The following BMAL2 variants were observed in gnomAD, a reference collection of about 807,000 sequenced individuals.
BMAL2 encodes basic helix-loop-helix ARNT-like protein 2.
the BMAL2 span, among the ~76,000 whole-genome samples, chr12:27,411,635 T>C: frequency 6.6e-6 from 1 of 152,128 alleles, no homozygotes; most frequent in Admixed American, 6.5e-5. Context: ...GCCATTTGTA[T>C]ATTTTCTTTG....
chr12:27,386,120 T>C, the BMAL2 span, among the ~76,000 whole-genome samples: 1 of 152,100 alleles, frequency 6.6e-6, no homozygotes, highest in Admixed American at 6.5e-5. Context: ...AATAGAAGGA[T>C]TCTTCATACA....
the BMAL2 span, chr12:27,376,380 G>C: frequency 6.2e-7 from 1 of 1,613,828 alleles, no homozygotes; most frequent in South Asian, 1.1e-5. Context: ...TAAAATGAAG[G>C]CCTTCAGGTA....
chr12:27,357,913 A>G, the BMAL2 span, among the ~76,000 whole-genome samples: 1 of 152,194 alleles, frequency 6.6e-6, no homozygotes, highest in Admixed American at 6.5e-5. Context: ...AAAATTCTAG[A>G]AGATAACATC....
the BMAL2 span, chr12:27,389,714 G>A: frequency 9.6e-4 from 173 of 180,698 alleles, 2 homozygotes; most frequent in South Asian, 0.015. Context: ...GGAAGTATAA[G>A]TATTTTTTTC....
the BMAL2 span, chr12:27,380,194 G>T: frequency 6.4e-7 from 1 of 1,570,856 alleles, no homozygotes. Flanking sequence ...ACACGGGGGT[G>T]ACTGGGGGTC....
At chr12:27,344,996 ACTCT>A in the BMAL2 span, among the ~76,000 whole-genome samples, 1 of 151,770 alleles carries the variant, frequency 6.6e-6, no homozygotes, top group Non-Finnish European at 1.5e-5. Flanking sequence ...CATTTTCATC[ACTCT>A]CTTGGTCATT....
the BMAL2 span, chr12:27,368,540 C>T: frequency 8.6e-7 from 1 of 1,156,234 alleles, no homozygotes; most frequent in Non-Finnish European, 1.2e-6. Flanking sequence ...AGTACTTATC[C>T]ACCCATCTGC....
chr12:27,354,609 T>G, the BMAL2 span, among the ~76,000 whole-genome samples: 2 of 152,232 alleles, frequency 1.3e-5, no homozygotes, highest in Admixed American at 6.5e-5. Flanking sequence ...GTCAACACAT[T>G]GTTTTGTGCA....
chr12:27,339,313 A>T, the BMAL2 span, among the ~76,000 whole-genome samples: 8 of 152,202 alleles, frequency 5.3e-5, no homozygotes, highest in Non-Finnish European at 1.0e-4. Context: ...TGGCTACATA[A>T]TATTCCATGG....
At chr12:27,383,227 G>A in the BMAL2 span, among the ~76,000 whole-genome samples, 1 of 152,194 alleles carries the variant, frequency 6.6e-6, no homozygotes, top group African/African-American at 2.4e-5. Flanking sequence ...TGTGAGATAG[G>A]GATGCATTTG....
chr12:27,365,979 C>G, the BMAL2 span, among the ~76,000 whole-genome samples: 2 of 151,708 alleles, frequency 1.3e-5, no homozygotes, highest in African/African-American at 4.8e-5. Context: ...AAATTTCATG[C>G]TAAGTAATGC....
At chr12:27,390,412 T>G in the BMAL2 span, 2 of 666,574 alleles carry the variant, frequency 3.0e-6, no homozygotes, top group Non-Finnish European at 4.9e-6. Context: ...CATCACATCT[T>G]TCGAATTTAT....
the BMAL2 span, among the ~76,000 whole-genome samples, chr12:27,378,462 T>C: frequency 6.6e-6 from 1 of 152,232 alleles, no homozygotes; most frequent in Non-Finnish European, 1.5e-5. Context: ...AAGGACTTTG[T>C]AAGCCTGGTA....
chr12:27,374,467 A>C, the BMAL2 span, among the ~76,000 whole-genome samples: 1 of 152,212 alleles, frequency 6.6e-6, no homozygotes, highest in Non-Finnish European at 1.5e-5. Context: ...TTGAACATCC[A>C]CAGGTTTTGG....
the BMAL2 span, chr12:27,415,837 A>C: frequency 6.8e-7 from 1 of 1,466,696 alleles, no homozygotes; most frequent in Non-Finnish European, 9.5e-7. Context: ...AATATGTAAA[A>C]TTAAAAATGT....
chr12:27,336,000 A>G, the BMAL2 span, among the ~76,000 whole-genome samples: 342 of 152,334 alleles, frequency 2.2e-3, no homozygotes, highest in African/African-American at 7.9e-3. Context: ...GTGAACATTG[A>G]GGTAGCATCC....
the BMAL2 span, chr12:27,400,666 G>A: frequency 3.7e-6 from 6 of 1,613,992 alleles, no homozygotes; most frequent in Non-Finnish European, 5.1e-6. Flanking sequence ...GCCATTGGAA[G>A]ATTACAGCCA....
the BMAL2 span, among the ~76,000 whole-genome samples, chr12:27,419,342 C>T: frequency 6.6e-6 from 1 of 152,186 alleles, no homozygotes; most frequent in Non-Finnish European, 1.5e-5. Context: ...ATAGTGCAGG[C>T]ATCTTATGAG....
the BMAL2 span, chr12:27,390,004 A>G: frequency 1.3e-6 from 2 of 1,484,022 alleles, no homozygotes; most frequent in Non-Finnish European, 1.9e-6. Flanking sequence ...CTTTCTCAAT[A>G]ATAGATGGTC....
Sources: allele counts gnomAD v4.1 joint callset (sites outside exome capture counted in the v4.1 genomes callset), GRCh38; gene constraint gnomAD v4.1.1; transcripts MANE v1.5; gene names NCBI Gene and HGNC (gene_info 2026-07-23, HGNC 2026-07-21).